TRAPPC9: variants seen among roughly 807,000 people sequenced by gnomAD.
The protein encoded by TRAPPC9 is trafficking protein particle complex subunit 9.
TRAPPC9 carries 83 observed loss-of-function variants against 124.0 expected under a neutral mutation model. The ratio of observed to expected loss-of-function variants is 0.67; its 90% CI spans 0.56 to 0.80. The LOEUF (loss-of-function observed/expected upper bound fraction) is 0.80, where lower values mean the gene tolerates loss of function less well. Among genes scored for constraint, TRAPPC9 ranks in the 30% least tolerant of loss-of-function variants. The probability of loss-of-function intolerance (pLI) is 0.00; values close to 1 mark genes in which losing one functional copy is unlikely to be tolerated. For missense variants in TRAPPC9, 1,302 were observed against 1,508.3 expected, an observed-to-expected ratio of 0.86 and a Z score of 2.27; for synonymous variants, 638 against 617.5, an observed-to-expected ratio of 1.03 and a Z score of -0.49.
At chr8:140,115,061 G>A (rs1229495308) in intron 17 of TRAPPC9, among the ~76,000 whole-genome samples, 1 of 152,116 alleles carries the variant, frequency 6.6e-6, no homozygotes. Context: ...ACAACAGAGT[G>A]TGCTAATTGA....
In TRAPPC9 at chr8:140,300,559, A is replaced by C; in HGVS notation, c.1678T>G (p.Leu560Val). The C allele has an allele frequency of 6.2e-7, 1 of 1,614,248 alleles. No homozygotes were observed. The highest frequency in any genetic ancestry group is 8.5e-7 in the Non-Finnish European group (1 of 1,180,040). Residue 560 changes from leucine to valine, a missense_variant, in exon 11 of 23, where the codon TTG (leucine) becomes GTG (valine). This residue lies in a region of TRAPPC9 where 657 missense variants were observed against 811.2 expected (regional missense o/e 0.81). Coordinates refer to ENST00000438773, the MANE Select transcript of TRAPPC9 (RefSeq NM_001160372.4). The stretch of plus-strand genomic sequence containing the variant: ...TTGGTTGACACGTTCTGACCCAGCA[A>C]GCTTTTCATTTTGTGTGGCCGGAGG... Reference protein sequence around the residue: ...ASLRPHKMKSLLGQNVSTKSP... With the variant: ...ASLRPHKMKSVLGQNVSTKSP...
intron 21 of TRAPPC9, among the ~76,000 whole-genome samples, chr8:139,804,326 C>T (rs1191089271): frequency 7.0e-6 from 1 of 142,716 alleles, no homozygotes; most frequent in African/African-American, 2.6e-5. Flanking sequence ...CCACCACCGC[C>T]ACCAAGCACC....
At chr8:140,001,726 A>T (rs1186875906) in intron 18 of TRAPPC9, among the ~76,000 whole-genome samples, 1 of 152,058 alleles carries the variant, frequency 6.6e-6, no homozygotes, top group East Asian at 1.9e-4. Context: ...CAGTTTCTTG[A>T]AAGTCACAAA....
intron 17 of TRAPPC9, among the ~76,000 whole-genome samples, chr8:140,162,851 G>A (rs2061774128): frequency 6.6e-6 from 1 of 152,130 alleles, no homozygotes; most frequent in East Asian, 1.9e-4. Context: ...AATTAGCCAG[G>A]CATGGTGGCA....
chr8:139,897,408 C>T (rs903593834), intron 20 of TRAPPC9, among the ~76,000 whole-genome samples: 1 of 152,162 alleles, frequency 6.6e-6, no homozygotes, highest in Non-Finnish European at 1.5e-5. Context: ...TTGGCCTCCC[C>T]GTGGGAAAAT....
At chr8:140,184,736 T>A (rs777898587) in intron 17 of TRAPPC9, among the ~76,000 whole-genome samples, 2 of 152,132 alleles carry the variant, frequency 1.3e-5, no homozygotes, top group African/African-American at 4.8e-5. Context: ...GCATCCTAAA[T>A]ACCATTTTTA....
At chr8:139,953,909 T>G (rs528830830) in intron 19 of TRAPPC9, among the ~76,000 whole-genome samples, 1 of 152,278 alleles carries the variant, frequency 6.6e-6, no homozygotes, top group South Asian at 2.1e-4. Context: ...TTAGAATGGC[T>G]AAAATGAAAA....
chr8:140,178,087 G>A (rs571982912), intron 17 of TRAPPC9, among the ~76,000 whole-genome samples: 4 of 152,060 alleles, frequency 2.6e-5, no homozygotes, highest in Middle Eastern at 3.4e-3. Flanking sequence ...TGTGAATAAC[G>A]AGTTTTATTT....
At chr8:140,142,470 G>A (rs1348020898) in intron 17 of TRAPPC9, among the ~76,000 whole-genome samples, 1 of 152,232 alleles carries the variant, frequency 6.6e-6, no homozygotes, top group Admixed American at 6.5e-5. Flanking sequence ...GGCCCTGGCA[G>A]GCTCCATGTG....
chr8:140,070,007 C>T (rs761270869), intron 17 of TRAPPC9, among the ~76,000 whole-genome samples: 6 of 152,180 alleles, frequency 3.9e-5, no homozygotes, highest in Admixed American at 6.5e-5. Context: ...CCCAGGCCCC[C>T]GGCTAATGGA....
intron 17 of TRAPPC9, among the ~76,000 whole-genome samples, chr8:140,076,932 G>A (rs146413973): frequency 1.3e-5 from 2 of 152,324 alleles, no homozygotes; most frequent in Non-Finnish European, 2.9e-5. Context: ...TTGGGAGGCT[G>A]AGGCAGAAGG....
In TRAPPC9 at chr8:139,795,805, A is replaced by G. The variant is rs183736268; in HGVS notation, c.3056-63603T>C. ...CTGGGACAGAAAATCAGCTGCGCAC[A>G]AGCCAATTACCACCTGGAGATGGAT... On this transcript the variant is annotated intron_variant, in intron 21 of 22. Coordinates refer to ENST00000438773, the MANE Select transcript of TRAPPC9 (RefSeq NM_001160372.4). 3.7e-3 allele frequency among the ~76,000 whole-genome samples: 571 copies of G among 152,272 alleles called. 3 individuals carry two copies. Among genetic ancestry groups the G allele is most frequent in the African/African-American group, 7.6e-3 (316 of 41,540 alleles).
At chr8:139,836,649 TG>T (rs1826376928) in intron 21 of TRAPPC9, among the ~76,000 whole-genome samples, 1 of 152,210 alleles carries the variant, frequency 6.6e-6, no homozygotes, top group South Asian at 2.1e-4. Context: ...GAGATGGGCG[TG>T]GCTTCCCGAG....
In TRAPPC9 at chr8:139,801,698, C is replaced by T. The variant is rs571233703; in HGVS notation, c.3056-69496G>A. Among the ~76,000 whole-genome samples, 173 of 152,318 alleles carry T rather than the reference C, an allele frequency of 1.1e-3. 1 individual carries two copies. The highest frequency in any genetic ancestry group is 1.9e-3 in the Non-Finnish European group (129 of 68,028). On this transcript the variant is annotated intron_variant, in intron 21 of 22. Transcript: ENST00000438773. ...CAGTTCTGGGTTTCAACTGCACAGT[C>T]GCAGACGGGACCTGCCAGGAATCCG...
chr8:139,804,626 ACCGCCACCAAGCACCACCG>A (rs1269117669), intron 21 of TRAPPC9, among the ~76,000 whole-genome samples: 1 of 94,374 alleles, frequency 1.1e-5, no homozygotes, highest in Non-Finnish European at 2.0e-5. Context: ...ACCACCCACC[ACCGCCACCAAGCACCACCG>A]CCACCACCCA....
chr8:139,743,285 C>T (rs1010159386), intron 21 of TRAPPC9, among the ~76,000 whole-genome samples: 1 of 152,198 alleles, frequency 6.6e-6, no homozygotes, highest in Non-Finnish European at 1.5e-5. Context: ...CTCCCAGCGA[C>T]GCCTCCCCGA....
At chr8:140,112,880 A>G (rs539911492) in intron 17 of TRAPPC9, among the ~76,000 whole-genome samples, 156 of 141,560 alleles carry the variant, frequency 1.1e-3, no homozygotes, top group Non-Finnish European at 2.0e-3. Context: ...TCGCTCTGTC[A>G]CCCAGTCTGA....
At chr8:140,425,296 T>C (rs1017604421) in intron 5 of TRAPPC9, among the ~76,000 whole-genome samples, 1 of 152,190 alleles carries the variant, frequency 6.6e-6, no homozygotes, top group African/African-American at 2.4e-5. Context: ...TAAAGAGAAG[T>C]CAGGTCCACA....
chr8:140,297,378 T>TAC (rs2065838136), intron 11 of TRAPPC9, among the ~76,000 whole-genome samples: 1 of 113,200 alleles, frequency 8.8e-6, no homozygotes, highest in Non-Finnish European at 1.9e-5. Flanking sequence ...ATACACACAA[T>TAC]ATACACATGC....
Sources: allele counts gnomAD v4.1 joint callset (sites outside exome capture counted in the v4.1 genomes callset), GRCh38; gene constraint gnomAD v4.1.1; regional missense constraint gnomAD v4.1.1; transcripts MANE v1.5; gene names NCBI Gene and HGNC (gene_info 2026-07-23, HGNC 2026-07-21).